PLA2G4E: variants seen among roughly 807,000 people sequenced by gnomAD.
PLA2G4E encodes the protein cytosolic phospholipase A2 epsilon.
In PLA2G4E, 84 loss-of-function variants were observed where a neutral mutation model predicts 109.1. The ratio of observed to expected loss-of-function variants is 0.77; its 90% CI spans 0.65 to 0.92. PLA2G4E has a LOEUF of 0.92. Ranked by LOEUF, PLA2G4E falls within the 40% of genes least tolerant of loss-of-function variation. The pLI is 0.00. For synonymous variants in PLA2G4E, 469 were observed against 436.1 expected, an observed-to-expected ratio of 1.08 and a Z score of -0.94; for missense variants, 1,057 against 1,076.6, an observed-to-expected ratio of 0.98 and a Z score of 0.25.
chr15:42,030,041 G>A (rs1323899254), intron 1 of PLA2G4E, among the ~76,000 whole-genome samples: 1 of 152,144 alleles, frequency 6.6e-6, no homozygotes, highest in Non-Finnish European at 1.5e-5. Flanking sequence ...GGAAGAATTT[G>A]AACTTGCCCT....
At chr15:42,016,983 A>C (rs1595570705) in intron 1 of PLA2G4E, among the ~76,000 whole-genome samples, 1 of 152,340 alleles carries the variant, frequency 6.6e-6, no homozygotes, top group Non-Finnish European at 1.5e-5. Context: ...CGAGTGCAGC[A>C]TGCACCCTGG....
intron 1 of PLA2G4E, among the ~76,000 whole-genome samples, chr15:42,036,079 T>A (rs920134809): frequency 6.6e-6 from 1 of 152,246 alleles, no homozygotes; most frequent in Non-Finnish European, 1.5e-5. Context: ...TTCACAGTTG[T>A]GACCTATTCC....
chr15:42,001,575 G>A (rs1053361485), intron 6 of PLA2G4E, among the ~76,000 whole-genome samples: 33 of 152,346 alleles, frequency 2.2e-4, no homozygotes, highest in African/African-American at 7.9e-4. Context: ...AAGATGCTGA[G>A]GCAGATCATA....
intron 3 of PLA2G4E, among the ~76,000 whole-genome samples, chr15:42,006,426 C>T (rs2068477471): frequency 6.6e-6 from 1 of 152,108 alleles, no homozygotes; most frequent in Non-Finnish European, 1.5e-5. Flanking sequence ...TTAGTTTCAC[C>T]TGAGGGGAAG....
chr15:42,000,013 G>T lies in PLA2G4E; in HGVS notation c.853-13C>A. The T allele has an allele frequency of 6.2e-7, 1 of 1,600,276 alleles. No homozygotes were observed. The highest frequency in any genetic ancestry group is 8.5e-7 in the Non-Finnish European group (1 of 1,173,810). On this transcript the variant is annotated splice_polypyrimidine_tract_variant and intron_variant, in intron 8 of 19. Coordinates refer to ENST00000399518, the Ensembl canonical transcript of PLA2G4E. ...AGCGGCAGCAAAGCTGGAGGGATGG[G>T]TGGGTTCTGTGAGAGGGGCTGGGGA...
intron 1 of PLA2G4E, among the ~76,000 whole-genome samples, chr15:42,020,992 G>A (rs1284478245): frequency 6.6e-6 from 1 of 151,774 alleles, no homozygotes; most frequent in Admixed American, 6.6e-5. Flanking sequence ...GGTCTGGCAG[G>A]GAGTGGGAGA....
intron 1 of PLA2G4E, among the ~76,000 whole-genome samples, chr15:42,026,322 A>C (rs960404353): frequency 6.6e-6 from 1 of 152,248 alleles, no homozygotes; most frequent in Admixed American, 6.5e-5. Context: ...TGGGAAAAGA[A>C]TAAACTGTTT....
In PLA2G4E at chr15:41,989,534, G is replaced by C; in HGVS notation, c.1604C>G (p.Pro535Arg). The change falls in exon 15 of 20, where the codon CCC becomes CGC. Residue 535 changes from proline to arginine, a missense_variant. Coordinates refer to ENST00000399518, the Ensembl canonical transcript of PLA2G4E. ...ATACTTCTGCAGGCCCACCTCGTAG[G>C]GGGAGAACTCGAACCACTCTGCACA... The C allele has an allele frequency of 2.5e-6, 4 of 1,613,716 alleles. No individual in the cohort carries two copies. Among genetic ancestry groups the C allele is most frequent in the Admixed American group, 1.7e-5 (1 of 60,002 alleles).
chr15:42,024,044 AAAACAACC>A (rs1387402036), intron 1 of PLA2G4E, among the ~76,000 whole-genome samples: 1 of 152,158 alleles, frequency 6.6e-6, no homozygotes, highest in Non-Finnish European at 1.5e-5. Context: ...GGTCTGGAAT[AAAACAACC>A]AAGAATGTAA....
chr15:41,996,565 G>A (rs1395215665), intron 11 of PLA2G4E, among the ~76,000 whole-genome samples: 2 of 152,176 alleles, frequency 1.3e-5, no homozygotes, highest in Non-Finnish European at 2.9e-5. Flanking sequence ...CTGCCCAGGC[G>A]AGTGTGGGCC....
chr15:42,039,536 CGT>C (rs1491368699), intron 1 of PLA2G4E, among the ~76,000 whole-genome samples: 1 of 143,780 alleles, frequency 7.0e-6, no homozygotes, highest in Non-Finnish European at 1.5e-5. Context: ...TGTATGTGTA[CGT>C]ATATATATAT....
intron 6 of PLA2G4E, among the ~76,000 whole-genome samples, chr15:42,001,890 A>T (rs1339026893): frequency 6.6e-6 from 1 of 152,106 alleles, no homozygotes; most frequent in Admixed American, 6.5e-5. Flanking sequence ...ATGGAGTTTC[A>T]CTATGTTGCC....
intron 7 of PLA2G4E, 150 bp from the exon 8 acceptor site, chr15:42,000,432 T>G: frequency 1.3e-6 from 1 of 767,446 alleles, no homozygotes; most frequent in Non-Finnish European, 2.1e-6. Context: ...TCTCAATCTA[T>G]AGGGTAGGGC....
At chr15:42,049,033 C>T (rs1327030148) in intron 1 of PLA2G4E, among the ~76,000 whole-genome samples, 1 of 152,160 alleles carries the variant, frequency 6.6e-6, no homozygotes, top group Non-Finnish European at 1.5e-5. Context: ...CCCCCTCCAG[C>T]GTATCAACAG....
chr15:42,002,585 G>A, intron 6 of PLA2G4E, 69 bp downstream of exon 6: 1 of 1,475,094 alleles, frequency 6.8e-7, no homozygotes. Flanking sequence ...TTCTCCCTTG[G>A]TCCTGTTCCC....
intron 4 of PLA2G4E, 138 bp from the exon 5 acceptor site, chr15:42,005,116 T>C (rs2068462031): frequency 4.9e-6 from 5 of 1,016,594 alleles, no homozygotes; most frequent in Middle Eastern, 2.5e-4. Flanking sequence ...TGGAGTGTGC[T>C]TGTGGTCTCC....
intron 1 of PLA2G4E, chr15:42,050,497 C>CAGA: frequency 6.5e-7 from 1 of 1,544,168 alleles, no homozygotes; most frequent in Middle Eastern, 1.7e-4. Flanking sequence ...GGACCAGACC[C>CAGA]CCCTCCCAGG....
chr15:41,993,012 G>A, intron 12 of PLA2G4E, 53 bp from the exon 13 acceptor site: 1 of 1,492,066 alleles, frequency 6.7e-7, no homozygotes, highest in South Asian at 1.2e-5. Flanking sequence ...TGTCTGATGA[G>A]TCCTGGACCC....
chr15:41,989,888 C>G (rs1269551469), intron 14 of PLA2G4E, among the ~76,000 whole-genome samples: 1 of 152,218 alleles, frequency 6.6e-6, no homozygotes, highest in East Asian at 1.9e-4. Context: ...TTTGTCTTCC[C>G]CAGTGTCATT....
Sources: allele counts gnomAD v4.1 joint callset (sites outside exome capture counted in the v4.1 genomes callset), GRCh38; gene constraint gnomAD v4.1.1; transcripts MANE v1.5; gene names NCBI Gene and HGNC (gene_info 2026-07-23, HGNC 2026-07-21).